TENM2: variants seen among roughly 807,000 people sequenced by gnomAD.
TENM2 encodes the protein teneurin transmembrane protein 2.
TENM2 carries 52 observed loss-of-function variants against 245.2 expected under a neutral mutation model. The observed-to-expected ratio is 0.21, with a 90% CI of 0.17 to 0.27. The LOEUF (loss-of-function observed/expected upper bound fraction) is 0.27, where lower values mean the gene tolerates loss of function less well. Among genes scored for constraint, TENM2 ranks in the 10% least tolerant of loss-of-function variants. The pLI is 1.00. For synonymous variants in TENM2, 1,363 were observed against 1,438.9 expected (o/e 0.95, Z 1.19); for missense variants, 3,046 against 3,666.8 (o/e 0.83, Z 4.37).
chr5:167,087,907 A>G, the TENM2 span, among the ~76,000 whole-genome samples: 765 of 151,944 alleles, frequency 5.0e-3, 7 homozygotes, highest in African/African-American at 0.017. Context: ...CTCCTGCCTC[A>G]GCCTTCCAAG....
At chr5:168,111,855 G>A (rs763335965) in intron 9 of TENM2, among the ~76,000 whole-genome samples, 17 of 151,882 alleles carry the variant, frequency 1.1e-4, no homozygotes, top group Admixed American at 7.3e-4. Context: ...GAAGGAAGCT[G>A]AGTATCTTGT....
chr5:167,067,182 A>C, the TENM2 span, among the ~76,000 whole-genome samples: 101 of 152,308 alleles, frequency 6.6e-4, 1 homozygote, highest in African/African-American at 2.3e-3. Context: ...GCATATTTTA[A>C]AAACTTCAGT....
At chr5:167,309,365 C>G (rs1016794824) in intron 1 of TENM2, among the ~76,000 whole-genome samples, 9 of 152,110 alleles carry the variant, frequency 5.9e-5, no homozygotes, top group African/African-American at 2.2e-4. Flanking sequence ...GGATTAAGTC[C>G]AGATAAACTT....
At chr5:168,004,806 G>A (rs1203256610) in intron 5 of TENM2, among the ~76,000 whole-genome samples, 3 of 150,866 alleles carry the variant, frequency 2.0e-5, no homozygotes, top group African/African-American at 7.4e-5. Context: ...GGGAAATCCA[G>A]ATTTATCCTG....
chr5:167,772,312 A>G (rs1211255277), intron 2 of TENM2, among the ~76,000 whole-genome samples: 1 of 152,214 alleles, frequency 6.6e-6, no homozygotes. Flanking sequence ...GAAAAGTGGC[A>G]GAGATTATGG....
chr5:167,248,811 T>C, the TENM2 span, among the ~76,000 whole-genome samples: 3 of 3,244 alleles, frequency 9.2e-4, no homozygotes, highest in African/African-American at 1.1e-3. Flanking sequence ...TGTGTGTGTA[T>C]ATATATATAT....
intron 2 of TENM2, among the ~76,000 whole-genome samples, chr5:167,835,331 A>G (rs1583141616): frequency 6.6e-6 from 1 of 152,138 alleles, no homozygotes; most frequent in Admixed American, 6.5e-5. Flanking sequence ...GCAATTTGGG[A>G]CTTGATGTTG....
chr5:167,609,488 CAA>C lies in TENM2; in HGVS notation c.502+234038_502+234039del, dbSNP rs5873049. ...TGCCTTTTTTCTTTGCCTGATGATG[CAA>C]AAAAAAAAAAAAAAAAAAAAAACAA... On this transcript the variant is annotated intron_variant, in intron 2 of 28. Coordinates refer to ENST00000518659, the Ensembl canonical transcript of TENM2. 1.8e-3 allele frequency among the ~76,000 whole-genome samples: 65 copies of C among 36,690 alleles called. No individual in the cohort carries two copies. The South Asian group carries it at 0.031, about 17-fold the overall frequency. 24.1% of individuals were successfully genotyped at this position (36,690 alleles called of 152,430 possible).
chr5:167,542,596 A>G (rs1301718386), intron 2 of TENM2, among the ~76,000 whole-genome samples: 6 of 152,194 alleles, frequency 3.9e-5, no homozygotes, highest in African/African-American at 1.2e-4. Context: ...ATTGCCAAAT[A>G]TGAAAAACAG....
chr5:167,992,475 C>T (rs561536299), intron 4 of TENM2, among the ~76,000 whole-genome samples: 13 of 152,164 alleles, frequency 8.5e-5, no homozygotes, highest in East Asian at 7.7e-4. Flanking sequence ...TAATATTCCA[C>T]GGTGTATGTA....
chr5:167,168,407 G>C, the TENM2 span: 1 of 152,156 alleles, frequency 6.6e-6, no homozygotes, highest in Non-Finnish European at 1.5e-5. Context: ...TCCATATCCT[G>C]TTGCTACCCT....
rs187799350 is a variant in TENM2, at chr5:167,667,607, G to T, written c.503-208379G>T. Among the ~76,000 whole-genome samples, 1,039 of 152,292 alleles carry T rather than the reference G, an allele frequency of 6.8e-3. 10 individuals are homozygous for T. The highest frequency in any genetic ancestry group is 0.041 in the Middle Eastern group (12 of 294). ...ATGAACAAAAATGAGATTTGGCCAG[G>T]AAAGAAGGAGGGAGGTTGGAGAAAC... On this transcript the variant is annotated intron_variant, in intron 2 of 28. Transcript: ENST00000518659.
chr5:167,978,579 T>C (rs187838676), intron 4 of TENM2, among the ~76,000 whole-genome samples: 55 of 151,986 alleles, frequency 3.6e-4, no homozygotes, highest in Non-Finnish European at 6.5e-4. Flanking sequence ...GGCAAATTCA[T>C]AGAGACAGAA....
chr5:168,109,661 C>G (rs1042355626), intron 9 of TENM2, among the ~76,000 whole-genome samples: 1 of 152,228 alleles, frequency 6.6e-6, no homozygotes, highest in Non-Finnish European at 1.5e-5. Context: ...TCACGCCAGA[C>G]GTTCTGAGTC....
the TENM2 span, among the ~76,000 whole-genome samples, chr5:167,194,110 C>T: frequency 6.6e-6 from 1 of 151,644 alleles, no homozygotes; most frequent in Non-Finnish European, 1.5e-5. Context: ...GAAGGTTATA[C>T]AAGGTGTGAC....
the TENM2 span, among the ~76,000 whole-genome samples, chr5:167,153,699 AT>A: frequency 6.6e-6 from 1 of 152,118 alleles, no homozygotes; most frequent in Non-Finnish European, 1.5e-5. Context: ...ACACACACAT[AT>A]ATCCAGATCA....
chr5:167,124,914 T>C, the TENM2 span, among the ~76,000 whole-genome samples: 1 of 152,204 alleles, frequency 6.6e-6, no homozygotes, highest in Non-Finnish European at 1.5e-5. Flanking sequence ...GACTTCATCA[T>C]GGGCATCACA....
chr5:167,858,981 A>T (rs1771369642), intron 2 of TENM2, among the ~76,000 whole-genome samples: 1 of 144,450 alleles, frequency 6.9e-6, no homozygotes. Context: ...ATCGTCTGGG[A>T]TGTGAGGAGC....
At chr5:167,384,487 G>T (rs1761295475) in intron 2 of TENM2, among the ~76,000 whole-genome samples, 1 of 152,112 alleles carries the variant, frequency 6.6e-6, no homozygotes, top group South Asian at 2.1e-4. Flanking sequence ...CTCCAGTCAG[G>T]ATAATGGGAA....
Sources: gnomAD v4.1 joint callset for allele counts (sites outside exome capture counted in the v4.1 genomes callset) on GRCh38, gnomAD v4.1.1 for gene constraint, MANE v1.5 for transcripts, NCBI Gene and HGNC (gene_info 2026-07-23, HGNC 2026-07-21) for gene names.